BUB1B: variants seen among roughly 807,000 people sequenced by gnomAD.
BUB1B encodes mitotic checkpoint serine/threonine-protein kinase BUB1 beta.
BUB1B carries 86 observed loss-of-function variants against 137.7 expected under a neutral mutation model. The ratio of observed to expected loss-of-function variants is 0.62; its 90% CI spans 0.52 to 0.75. The LOEUF (loss-of-function observed/expected upper bound fraction) is 0.75, where lower values mean the gene tolerates loss of function less well. Ranked by LOEUF, BUB1B falls within the 30% of genes least tolerant of loss-of-function variation. The pLI, the probability that BUB1B is intolerant of heterozygous loss-of-function variation, is 0.00. For missense variants in BUB1B, 1,130 were observed against 1,236.9 expected, an observed-to-expected ratio of 0.91 and a Z score of 1.30; for synonymous variants, 420 against 417.9, an observed-to-expected ratio of 1.00 and a Z score of -0.06.
intron 9 of BUB1B, among the ~76,000 whole-genome samples, chr15:40,198,315 T>TC (rs1487753892): frequency 6.6e-6 from 1 of 151,880 alleles, no homozygotes; most frequent in Non-Finnish European, 1.5e-5. Context: ...GGGCTCAAGC[T>TC]ATCCTTCCCA....
At chr15:40,185,761 A>G in intron 8 of BUB1B, 119 bp downstream of exon 8, 1 of 916,238 alleles carries the variant, frequency 1.1e-6, no homozygotes, top group Non-Finnish European at 1.7e-6. Flanking sequence ...GGCCAGGCGC[A>G]GTAGCTCACA....
rs1352210586 is a variant in BUB1B at position 40,185,417 on chromosome 15, A to G, written c.966+38A>G. On this transcript the variant is annotated intron_variant, in intron 7 of 22. Transcript: ENST00000287598. Reference sequence around the variant, plus strand: ...AGATCCAGTGCTTTGCTGACACAACAAAGACTTCACATTTAGGGTAGAGAA... The same window carrying G: ...AGATCCAGTGCTTTGCTGACACAACGAAGACTTCACATTTAGGGTAGAGAA... 4 of 1,608,218 alleles carry G rather than the reference A, an allele frequency of 2.5e-6. No homozygotes were observed. In the African/African-American group the frequency reaches 4.0e-5, roughly 16 times the overall value.
rs2037665616 is a variant in BUB1B at position 40,208,522 on chromosome 15, G to A, written c.2010-115G>A. 6.5e-6 allele frequency: 7 copies of A among 1,071,230 alleles called. No homozygotes were observed. In the South Asian group the frequency reaches 1.0e-4, roughly 15 times the overall value. 66.4% of individuals were successfully genotyped at this position (1,071,230 alleles called of 1,614,324 possible). A position where few individuals can be genotyped will look rare whatever the true frequency, so the allele number is the denominator to read the frequency against. ...AGTTGTGCTCCAGCCTGGGTGACAA[G>A]AGCAAAACTCCATCTCAAAAAAAAG... On this transcript the variant is annotated intron_variant, in intron 15 of 22. Transcript: ENST00000287598.
At position 40,185,222 on chromosome 15, in the gene BUB1B, G is replaced by T; in HGVS notation, c.809G>T (p.Ser270Ile). The change falls in exon 7 of 23, where the codon AGT becomes ATT. Residue 270 changes from serine (S) to isoleucine (I), a missense_variant. Ser to Ile is a moderately radical substitution (Grantham distance 142, BLOSUM62 -2). Transcript: ENST00000287598. ...TTTCCTCAACAGATGCAAAATAATA[G>T]TAGAATTACTGTTTTTGATGAAAAT... The part of the protein sequence containing the change: ...NPFPQQMQNN[S>I]RITVFDENAD... 6.2e-7 allele frequency: 1 copy of T among 1,614,154 alleles called. No individual in the cohort carries two copies. The highest frequency in any genetic ancestry group is 2.2e-5 in the East Asian group (1 of 44,888).
Position 40,202,423 on chromosome 15 carries a change from C to G in BUB1B, c.1586C>G (p.Ser529Cys), listed in dbSNP as rs2037582824. 5.6e-6 allele frequency: 9 copies of G among 1,611,660 alleles called. No individual in the cohort carries two copies. Among genetic ancestry groups the G allele is most frequent in the Middle Eastern group, 1.9e-4 (1 of 5,310 alleles). Residue 529 changes from serine (S) to cysteine (C), a missense_variant, in exon 13 of 23, where the codon TCC becomes TGC. Coordinates refer to ENST00000287598, the MANE Select transcript of BUB1B (RefSeq NM_001211.6). ...TCTCTAGGTCCCAGTGTACCTTTCT[C>G]CATTTTTGATGAGTTTCTTCTTTCA... ...PHSKGPSVPF[S>C]IFDEFLLSEK...
In BUB1B at chr15:40,200,335, T is replaced by A. The variant is rs930430841; in HGVS notation, c.1493T>A (p.Val498Asp). ...KIPGMTLSSS[V>D]CQVNCCARET... ...CCAGGAATGACTCTATCCAGTTCTG[T>A]TTGTCAAGTAAACTGTTGTGCCAGG... Residue 498 changes from valine to aspartate, a missense_variant, in exon 11 of 23, where the codon GTT becomes GAT. By Grantham distance (152) the Val-to-Asp change is radical. Transcript: ENST00000287598. The A allele has an allele frequency of 2.5e-6, 4 of 1,613,768 alleles. No individual in the cohort carries two copies. The highest frequency in any genetic ancestry group is 1.7e-5 in the Admixed American group (1 of 60,006).
chr15:40,203,706 G>A (rs986731187), intron 14 of BUB1B, among the ~76,000 whole-genome samples: 2 of 152,120 alleles, frequency 1.3e-5, no homozygotes, highest in South Asian at 4.1e-4. Flanking sequence ...CTTCAGTAAT[G>A]TTCTATATTA....
chr15:40,182,388 A>G (rs550866954), intron 5 of BUB1B, among the ~76,000 whole-genome samples: 3 of 152,302 alleles, frequency 2.0e-5, no homozygotes, highest in South Asian at 2.1e-4. Context: ...CTGTTGGCCA[A>G]TATTCCCTGG....
At chr15:40,192,739 A>G (rs973116125) in intron 8 of BUB1B, among the ~76,000 whole-genome samples, 15 of 152,352 alleles carry the variant, frequency 9.8e-5, no homozygotes, top group Admixed American at 6.5e-4. Flanking sequence ...ATAGTGCTGA[A>G]TGATATTCCA....
At chr15:40,199,571 G>T in intron 9 of BUB1B, 44 bp from the exon 10 acceptor site, 2 of 1,512,264 alleles carry the variant, frequency 1.3e-6, no homozygotes, top group Non-Finnish European at 1.8e-6. Flanking sequence ...GACAGAATGA[G>T]TTACTATGAG....
chr15:40,200,845 A>T, intron 11 of BUB1B, 86 bp from the exon 12 acceptor site: 1 of 1,097,688 alleles, frequency 9.1e-7, no homozygotes, highest in Middle Eastern at 2.2e-4. Context: ...TATTATATTT[A>T]ATGGAAAAGC....
chr15:40,196,827 G>A (rs1034513368), intron 9 of BUB1B, 53 bp downstream of exon 9: 1 of 1,516,560 alleles, frequency 6.6e-7, no homozygotes, highest in Non-Finnish European at 9.2e-7. Flanking sequence ...TGTGAAGGTT[G>A]AGCTGACCTA....
intron 4 of BUB1B, chr15:40,173,850 G>A (rs776938484): frequency 8.0e-5 from 29 of 362,526 alleles, no homozygotes; most frequent in Non-Finnish European, 1.4e-4. Flanking sequence ...AGGAGTAACA[G>A]ATGAATTCTT....
intron 5 of BUB1B, 103 bp downstream of exon 5, chr15:40,176,776 G>C (rs2037229412): frequency 1.7e-6 from 2 of 1,200,832 alleles, no homozygotes; most frequent in South Asian, 2.8e-5. Flanking sequence ...GGCATGTTAA[G>C]TTTACTTAGT....
rs946839946 is a variant in BUB1B at position 40,220,573 on chromosome 15, T to C, written c.2967T>C (p.Asp989=). 1.9e-6 allele frequency: 3 copies of C among 1,614,144 alleles called. No individual in the cohort carries two copies. The highest frequency in any genetic ancestry group is 1.6e-4 in the Middle Eastern group (1 of 6,062). The part of the protein sequence containing the change: ...KLSQNISELK[D]GELWNKFFVR... ...TTTTATATATTTTTAGGCTAAAAGA[T>C]GGTGAATTGTGGAATAAATTCTTTG... The change falls in exon 23 of 23, where the codon GAT becomes GAC. Residue 989 remains aspartate, a synonymous_variant. Coordinates refer to ENST00000287598, the MANE Select transcript of BUB1B (RefSeq NM_001211.6).
chr15:40,185,097 A>G, intron 6 of BUB1B, 68 bp from the exon 7 acceptor site: 2 of 1,327,758 alleles, frequency 1.5e-6, no homozygotes, highest in Admixed American at 1.7e-5. Context: ...AAGAATAGGT[A>G]TACTTTATCT....
At chr15:40,208,137 TA>T (rs576507837) in intron 15 of BUB1B, among the ~76,000 whole-genome samples, 12,602 of 140,230 alleles carry the variant, frequency 0.09, 1,538 homozygotes, top group African/African-American at 0.29. Context: ...AAATGAAAAG[TA>T]AAAAAAAAAA....
chr15:40,173,518 T>C (rs1316738843), intron 4 of BUB1B, among the ~76,000 whole-genome samples: 2 of 152,188 alleles, frequency 1.3e-5, no homozygotes, highest in Admixed American at 1.3e-4. Context: ...AGGGTTTGCA[T>C]ACTGTTTGAG....
chr15:40,206,093 C>CT, intron 14 of BUB1B, 91 bp from the exon 15 acceptor site: 2 of 1,325,096 alleles, frequency 1.5e-6, no homozygotes, highest in Non-Finnish European at 2.2e-6. Flanking sequence ...TTTCTGTACC[C>CT]TGTGTCACTG....
Sources: allele counts gnomAD v4.1 joint callset (sites outside exome capture counted in the v4.1 genomes callset), GRCh38; gene constraint gnomAD v4.1.1; transcripts MANE v1.5; gene names NCBI Gene and HGNC (gene_info 2026-07-23, HGNC 2026-07-21).